The following SLCO3A1 variants were observed in gnomAD, a reference collection of about 807,000 sequenced individuals.
SLCO3A1 encodes solute carrier organic anion transporter family member 3A1.
In SLCO3A1, 27 loss-of-function variants were observed where a neutral mutation model predicts 63.1. The ratio of observed to expected loss-of-function variants is 0.43; its 90% CI spans 0.32 to 0.59. The LOEUF is 0.59. SLCO3A1 is among the 20% of genes least tolerant of loss of function. The pLI is 0.09. For synonymous variants in SLCO3A1, 473 were observed against 409.9 expected, an observed-to-expected ratio of 1.15 and a Z score of -1.86; for missense variants, 773 against 945.8, an observed-to-expected ratio of 0.82 and a Z score of 2.40.
chr15:91,976,801 G>T (rs1304389602), intron 2 of SLCO3A1, among the ~76,000 whole-genome samples: 3 of 152,128 alleles, frequency 2.0e-5, no homozygotes, highest in Non-Finnish European at 4.4e-5. Context: ...AGTTTCAAAA[G>T]GGGAGGGAGT....
Position 92,126,248 on chromosome 15 carries a change from C to T in SLCO3A1, c.1362C>T (p.Pro454=), listed in dbSNP as rs759551457. The change falls in exon 6 of 10, where the codon CCC becomes CCT. Residue 454 remains proline, a synonymous_variant. Coordinates refer to ENST00000318445, the MANE Select transcript of SLCO3A1 (RefSeq NM_013272.4). Reference sequence around the variant, plus strand: ...GCCCTGTGGCTGGGGTTACTGTTCCCTATGGAAACAGGTGAGTACTGGCAG... The same window carrying T: ...GCCCTGTGGCTGGGGTTACTGTTCCTTATGGAAACAGGTGAGTACTGGCAG... The part of the protein sequence containing the change: ...DTGPVAGVTV[P]YGNSTAPGSA... 6.2e-7 allele frequency: 1 copy of T among 1,613,844 alleles called. No homozygotes were observed. The highest frequency in any genetic ancestry group is 1.1e-5 in the South Asian group (1 of 91,068).
chr15:91,957,941 A>G (rs575343728), intron 2 of SLCO3A1, among the ~76,000 whole-genome samples: 3 of 152,226 alleles, frequency 2.0e-5, no homozygotes, highest in African/African-American at 4.8e-5. Flanking sequence ...TGTCATATAA[A>G]TGAAAGGGAA....
Position 92,126,442 on chromosome 15 carries a change from C to CT in SLCO3A1, c.1373+186dup, listed in dbSNP as rs1401518463. Among the ~76,000 whole-genome samples, 3 of 152,148 alleles carry CT rather than the reference C, an allele frequency of 2.0e-5. No individual in the cohort carries two copies. In the East Asian group the frequency reaches 5.8e-4, roughly 29 times the overall value. On this transcript the variant is annotated intron_variant, in intron 6 of 9. Coordinates refer to ENST00000318445, the MANE Select transcript of SLCO3A1 (RefSeq NM_013272.4). Reference sequence around the variant, plus strand: ...AACCCTCTGGGCTGAGAAAGCAGACCTTTCCACTCAAAGGCTGGGAAGCAC... The same window carrying CT: ...AACCCTCTGGGCTGAGAAAGCAGACCTTTTCCACTCAAAGGCTGGGAAGCAC...
intron 2 of SLCO3A1, among the ~76,000 whole-genome samples, chr15:91,970,671 G>A (rs774953264): frequency 6.6e-6 from 1 of 152,102 alleles, no homozygotes; most frequent in Non-Finnish European, 1.5e-5. Context: ...CAAACCTCTG[G>A]GTTTCCCCTG....
intron 2 of SLCO3A1, among the ~76,000 whole-genome samples, chr15:92,054,613 C>A (rs575641504): frequency 6.6e-6 from 1 of 152,078 alleles, no homozygotes; most frequent in East Asian, 1.9e-4. Flanking sequence ...CACCCACCCC[C>A]GCCCACAGGC....
At chr15:91,889,726 G>A (rs752179350) in intron 1 of SLCO3A1, among the ~76,000 whole-genome samples, 6 of 152,220 alleles carry the variant, frequency 3.9e-5, no homozygotes, top group Non-Finnish European at 8.8e-5. Context: ...AGGCCATTAA[G>A]GTGAAAGTAT....
intron 2 of SLCO3A1, among the ~76,000 whole-genome samples, chr15:91,927,918 G>A (rs2151388219): frequency 6.6e-6 from 1 of 152,280 alleles, no homozygotes; most frequent in South Asian, 2.1e-4. Context: ...CGCCAACCCT[G>A]GCCTCAGGCT....
At position 92,164,208 on chromosome 15, in the gene SLCO3A1, C is replaced by T. The variant is rs925048293; in HGVS notation, c.*1073C>T. ...CTTTTTTTCTCCTTTTTTAATGCAC[C>T]AAAAATATGTGATACAAGGGATGCA... On this transcript the variant is annotated 3_prime_UTR_variant, in exon 10 of 10. Transcript: ENST00000318445. 2 of 984,348 alleles carry T rather than the reference C, an allele frequency of 2.0e-6. No homozygotes were observed. The highest frequency in any genetic ancestry group is 3.5e-5 in the African/African-American group (2 of 56,946). 61.0% of individuals were successfully genotyped at this position (984,348 alleles called of 1,614,324 possible).
chr15:92,046,255 C>G (rs1951319632), intron 2 of SLCO3A1, among the ~76,000 whole-genome samples: 1 of 152,022 alleles, frequency 6.6e-6, no homozygotes, highest in Non-Finnish European at 1.5e-5. Flanking sequence ...TGGGTCACAC[C>G]TGTAATAACA....
At chr15:91,919,125 T>C (rs1168658610) in intron 2 of SLCO3A1, among the ~76,000 whole-genome samples, 1 of 152,230 alleles carries the variant, frequency 6.6e-6, no homozygotes, top group Non-Finnish European at 1.5e-5. Flanking sequence ...GTCACCCGCA[T>C]TGTGGGTCAC....
chr15:92,140,438 A>G (rs1217872062), intron 7 of SLCO3A1, among the ~76,000 whole-genome samples: 1 of 151,114 alleles, frequency 6.6e-6, no homozygotes, highest in Non-Finnish European at 1.5e-5. Context: ...GTGGTGCTGA[A>G]AAAAACGTAT....
At chr15:91,925,586 A>T (rs1898985699) in intron 2 of SLCO3A1, among the ~76,000 whole-genome samples, 2 of 152,018 alleles carry the variant, frequency 1.3e-5, no homozygotes, top group Admixed American at 1.3e-4. Context: ...TGTGACACAG[A>T]GAAGGTCTAC....
At position 92,089,682 on chromosome 15, in the gene SLCO3A1, G is replaced by A. The variant is rs940342935; in HGVS notation, c.647-5199G>A. On this transcript the variant is annotated intron_variant, in intron 2 of 9. Transcript: ENST00000318445. ...TCCAAGTTATCTTTTCTTCCCCAGG[G>A]TCCAGAGGTGGCTGGTGCTGAATTT... is the stretch of plus-strand genomic sequence containing the variant. 2.6e-5 allele frequency among the ~76,000 whole-genome samples: 4 copies of A among 152,124 alleles called. No individual in the cohort carries two copies. In the South Asian group the frequency reaches 8.3e-4, roughly 32 times the overall value.
downstream of SLCO3A1, among the ~76,000 whole-genome samples, chr15:92,166,603 C>G (rs1234288157): frequency 6.6e-6 from 1 of 152,210 alleles, no homozygotes; most frequent in Admixed American, 6.5e-5. Context: ...GTCAAAAAGC[C>G]TGCAGAAACG....
chr15:91,909,938 C>T (rs76214542), intron 1 of SLCO3A1, among the ~76,000 whole-genome samples: 1,685 of 152,312 alleles, frequency 0.011, 27 homozygotes, highest in African/African-American at 0.038. Flanking sequence ...CTGCCCCGGC[C>T]GTCTCTCCTC....
Position 91,862,951 on chromosome 15 carries a change from A to G in SLCO3A1, c.180+8863A>G, listed in dbSNP as rs1467540516. On this transcript the variant is annotated intron_variant, in intron 1 of 9. Transcript: ENST00000318445. The surrounding 1 kb of genome is among the most constrained non-coding windows in gnomAD (Gnocchi z 4.0). The stretch of plus-strand genomic sequence containing the variant: ...TTCTAATTGTTGAATTTGTCTCCCA[A>G]CTTCAGCTGATTAGAAGGAGAAATT... 6.6e-6 allele frequency among the ~76,000 whole-genome samples: 1 copy of G among 152,220 alleles called. No individual in the cohort carries two copies. Among genetic ancestry groups the G allele is most frequent in the Non-Finnish European group, 1.5e-5 (1 of 68,032 alleles).
downstream of SLCO3A1, among the ~76,000 whole-genome samples, chr15:92,169,314 A>C (rs1459252376): frequency 6.6e-6 from 1 of 152,210 alleles, no homozygotes; most frequent in Admixed American, 6.5e-5. Context: ...CCTTATTCCC[A>C]GACAGACCCA....
At chr15:92,060,911 A>G (rs1016909529) in intron 2 of SLCO3A1, among the ~76,000 whole-genome samples, 8 of 152,234 alleles carry the variant, frequency 5.3e-5, no homozygotes, top group African/African-American at 1.7e-4. Context: ...GATCATCAAG[A>G]CATAATTGGG....
At chr15:92,002,235 G>C (rs12443009) in intron 2 of SLCO3A1, among the ~76,000 whole-genome samples, 130,474 of 152,154 alleles carry the variant, frequency 0.86, 56,401 homozygotes, top group East Asian at 0.99. Context: ...TGCTATTACC[G>C]CAGGTGTTAA....
Sources: allele counts gnomAD v4.1 joint callset (sites outside exome capture counted in the v4.1 genomes callset), GRCh38; gene constraint gnomAD v4.1.1; non-coding constraint Gnocchi (gnomAD v3.1); transcripts MANE v1.5; gene names NCBI Gene and HGNC (gene_info 2026-07-23, HGNC 2026-07-21).